Variants in CWF19L2 observed in about 807,000 individuals in gnomAD.
CWF19L2 encodes CWF19 like cell cycle control factor 2, also known as CWF19-like protein 2.
CWF19L2 carries 98 observed loss-of-function variants against 111.7 expected under a neutral mutation model. That is an observed-to-expected ratio of 0.88 (90% CI 0.75 to 1.04). The LOEUF is 1.04. Ranked by LOEUF, CWF19L2 falls within the 50% of genes least tolerant of loss-of-function variation. The pLI, the probability that CWF19L2 is intolerant of heterozygous loss-of-function variation, is 0.00. For missense variants in CWF19L2, 1,101 were observed against 1,051.4 expected (o/e 1.05, Z -0.65); for synonymous variants, 351 against 342.9 (o/e 1.02, Z -0.26).
intron 14 of CWF19L2, among the ~76,000 whole-genome samples, chr11:107,346,645 C>T (rs1860084768): frequency 6.6e-6 from 1 of 152,130 alleles, no homozygotes; most frequent in Admixed American, 6.5e-5. Context: ...CATGACAGAT[C>T]CCCTCCTCAT....
intron 12 of CWF19L2, 47 bp from the exon 13 acceptor site, chr11:107,353,783 A>T (rs1860194640): frequency 7.0e-7 from 1 of 1,429,454 alleles, no homozygotes; most frequent in South Asian, 1.2e-5. Flanking sequence ...GTAGTGATTA[A>T]GATTTTACTG....
intron 9 of CWF19L2, among the ~76,000 whole-genome samples, chr11:107,417,743 C>A (rs1254940760): frequency 1.4e-5 from 2 of 142,160 alleles, no homozygotes; most frequent in Non-Finnish European, 3.0e-5. Context: ...GTATTCTTCA[C>A]AGAAAGGTTC....
intron 10 of CWF19L2, among the ~76,000 whole-genome samples, chr11:107,407,387 C>T (rs1021719751): frequency 7.0e-6 from 1 of 142,548 alleles, no homozygotes; most frequent in Admixed American, 6.9e-5. Flanking sequence ...CTCCATCTAA[C>T]CCTTCCCCCT....
chr11:107,399,457 G>C (rs538945657), intron 10 of CWF19L2, among the ~76,000 whole-genome samples: 1 of 152,030 alleles, frequency 6.6e-6, no homozygotes, highest in East Asian at 1.9e-4. Flanking sequence ...TTAAAGCAAC[G>C]GCAGTTAAAA....
intron 10 of CWF19L2, chr11:107,403,985 G>A: frequency 2.4e-6 from 2 of 840,224 alleles, no homozygotes; most frequent in South Asian, 2.6e-5. Flanking sequence ...CCGAACGTCT[G>A]GCACCACACT....
At chr11:107,346,491 G>A (rs1216044932) in intron 14 of CWF19L2, among the ~76,000 whole-genome samples, 1 of 152,150 alleles carries the variant, frequency 6.6e-6, no homozygotes, top group African/African-American at 2.4e-5. Flanking sequence ...AGGTTAGCAG[G>A]GATAGCAAAG....
At chr11:107,402,902 T>TATATATATATATATATATAA (rs1209928404) in intron 10 of CWF19L2, among the ~76,000 whole-genome samples, 2 of 126,646 alleles carry the variant, frequency 1.6e-5, no homozygotes. Flanking sequence ...TATATATATA[T>TATATATATATATATATATAA]AATGGAATAC....
intron 5 of CWF19L2, among the ~76,000 whole-genome samples, chr11:107,440,854 T>C (rs1413390781): frequency 6.6e-6 from 1 of 152,072 alleles, no homozygotes; most frequent in African/African-American, 2.4e-5. Context: ...ACAAAAACAA[T>C]GAAATACCAT....
intron 12 of CWF19L2, among the ~76,000 whole-genome samples, chr11:107,360,191 T>C (rs1860303612): frequency 6.6e-6 from 1 of 152,218 alleles, no homozygotes; most frequent in South Asian, 2.1e-4. Context: ...AGCTCCCACT[T>C]AAAAGTGAGA....
chr11:107,411,486 T>C (rs1591189419), intron 10 of CWF19L2, among the ~76,000 whole-genome samples: 1 of 152,146 alleles, frequency 6.6e-6, no homozygotes, highest in Non-Finnish European at 1.5e-5. Flanking sequence ...TTGAACGTAT[T>C]TGAAACCCTT....
chr11:107,360,159 C>T (rs1860302956), intron 12 of CWF19L2, among the ~76,000 whole-genome samples: 1 of 152,210 alleles, frequency 6.6e-6, no homozygotes, highest in East Asian at 1.9e-4. Context: ...CCATTCTCTA[C>T]ATCCATGTGT....
At chr11:107,336,296 A>T (rs1192630316) in intron 15 of CWF19L2, among the ~76,000 whole-genome samples, 1 of 151,954 alleles carries the variant, frequency 6.6e-6, no homozygotes, top group African/African-American at 2.4e-5. Context: ...ACAGGTGCCC[A>T]CCACCATGCC....
chr11:107,388,446 G>A (rs902007232), intron 12 of CWF19L2, among the ~76,000 whole-genome samples: 3 of 151,800 alleles, frequency 2.0e-5, no homozygotes, highest in African/African-American at 4.8e-5. Flanking sequence ...GCAGTGGCAC[G>A]ATCTCAGGTC....
chr11:107,443,143 G>C, intron 3 of CWF19L2, 94 bp from the exon 4 acceptor site: 1 of 848,882 alleles, frequency 1.2e-6, no homozygotes, highest in Non-Finnish European at 1.9e-6. Context: ...CAACATCGTA[G>C]AAAAAAATTC....
At chr11:107,424,625 G>C (rs1193614488) in intron 8 of CWF19L2, among the ~76,000 whole-genome samples, 2 of 151,770 alleles carry the variant, frequency 1.3e-5, no homozygotes, top group Non-Finnish European at 3.0e-5. Flanking sequence ...TAAAGCCCAC[G>C]AGTTCCAGAA....
Position 107,336,662 on chromosome 11 carries a change from T to C in CWF19L2, c.2254A>G (p.Ile752Val), listed in dbSNP as rs200201943. The change falls in exon 15 of 18, where the codon ATT becomes GTT. Residue 752 changes from isoleucine to valine, a missense_variant. Ile to Val is a conservative substitution (Grantham distance 29). Coordinates refer to ENST00000282251, the MANE Select transcript of CWF19L2 (RefSeq NM_152434.3). ...KMFEDKGLDC[I>V]FLETNMSMKK... is the part of the protein sequence containing the mutation. ...ATGCTCATATTAGTTTCCAAAAAAA[T>C]GCAGTCTAATCCTTTATCTTCAAAC... The C allele has an allele frequency of 1.9e-6, 3 of 1,581,728 alleles. No individual in the cohort carries two copies. The East Asian group carries it at 6.8e-5, about 36-fold the overall frequency.
chr11:107,418,715 G>T (rs1439419769), intron 8 of CWF19L2, among the ~76,000 whole-genome samples: 1 of 152,082 alleles, frequency 6.6e-6, no homozygotes, highest in Non-Finnish European at 1.5e-5. Context: ...TGCATTCAAA[G>T]AATAAAAGCA....
chr11:107,449,300 A>G (rs1243879570), intron 3 of CWF19L2, among the ~76,000 whole-genome samples: 1 of 152,130 alleles, frequency 6.6e-6, no homozygotes, highest in East Asian at 1.9e-4. Flanking sequence ...GAGAGAATAC[A>G]ATGTCTGCAA....
At chr11:107,406,315 T>C (rs990678455) in intron 10 of CWF19L2, among the ~76,000 whole-genome samples, 1 of 152,142 alleles carries the variant, frequency 6.6e-6, no homozygotes, top group Non-Finnish European at 1.5e-5. Flanking sequence ...TAAAGCATGT[T>C]TCAACTTTTA....
Sources: allele counts gnomAD v4.1 joint callset (sites outside exome capture counted in the v4.1 genomes callset), GRCh38; gene constraint gnomAD v4.1.1; transcripts MANE v1.5; gene names NCBI Gene and HGNC (gene_info 2026-07-23, HGNC 2026-07-21).